DGKH: variants seen among roughly 807,000 people sequenced by gnomAD.
The protein encoded by DGKH is diacylglycerol kinase eta.
Under a neutral mutation model 159.3 loss-of-function variants are expected in DGKH, and 90 were observed. The ratio of observed to expected loss-of-function variants is 0.57; its 90% confidence interval spans 0.48 to 0.67. The LOEUF is 0.67. DGKH is among the 30% of genes least tolerant of loss of function. The pLI is 0.00. For missense variants in DGKH, 1,181 were observed against 1,506.1 expected, an observed-to-expected ratio of 0.78 and a Z score of 3.57; for synonymous variants, 536 against 553.8, an observed-to-expected ratio of 0.97 and a Z score of 0.45.
chr13:42,064,388 C>T (rs780229486), intron 1 of DGKH, among the ~76,000 whole-genome samples: 2 of 152,092 alleles, frequency 1.3e-5, no homozygotes, highest in Admixed American at 6.5e-5. Flanking sequence ...GGACTCTAAG[C>T]GCTGTCAGCC....
intron 3 of DGKH, among the ~76,000 whole-genome samples, chr13:42,145,425 C>G (rs1483443808): frequency 6.6e-6 from 1 of 151,988 alleles, no homozygotes; most frequent in East Asian, 1.9e-4. Context: ...TTGGGACAAT[C>G]CTGGAACTCA....
At chr13:42,089,378 AT>A (rs548367712) in intron 1 of DGKH, among the ~76,000 whole-genome samples, 78 of 152,284 alleles carry the variant, frequency 5.1e-4, no homozygotes, top group African/African-American at 1.9e-3. Context: ...TAATGTTTTC[AT>A]TTTTTATGGC....
At chr13:42,204,594 C>T (rs1006596791) in intron 20 of DGKH, among the ~76,000 whole-genome samples, 11 of 152,150 alleles carry the variant, frequency 7.2e-5, no homozygotes, top group Non-Finnish European at 1.3e-4. Context: ...ACATTTTTTG[C>T]AGTACTTGGG....
intron 3 of DGKH, among the ~76,000 whole-genome samples, chr13:42,151,871 ACT>A (rs1396690016): frequency 1.3e-5 from 2 of 152,090 alleles, no homozygotes; most frequent in African/African-American, 4.8e-5. Context: ...AAATCTCTAT[ACT>A]GTTTTCCATA....
intron 9 of DGKH, 149 bp from the exon 10 acceptor site, chr13:42,168,291 A>G: frequency 3.3e-6 from 2 of 605,342 alleles, no homozygotes; most frequent in Non-Finnish European, 5.4e-6. Flanking sequence ...AGTTAAAATT[A>G]CACTTCAGTG....
intron 2 of DGKH, 53 bp from the exon 3 acceptor site, chr13:42,129,499 G>T: frequency 7.0e-7 from 1 of 1,434,274 alleles, no homozygotes; most frequent in Non-Finnish European, 9.7e-7. Context: ...GTATTGAAGA[G>T]CATTGAGTTA....
chr13:42,246,703 A>G (rs1415585812), downstream of DGKH, among the ~76,000 whole-genome samples: 3 of 152,090 alleles, frequency 2.0e-5, no homozygotes, highest in South Asian at 4.1e-4. Context: ...CAGGTAAAGT[A>G]TGCTCTCCAC....
At chr13:42,129,234 T>C (rs1222922354) in intron 2 of DGKH, among the ~76,000 whole-genome samples, 4 of 152,202 alleles carry the variant, frequency 2.6e-5, no homozygotes, top group South Asian at 2.1e-4. Flanking sequence ...TTCAGAGACA[T>C]TGCATTGTGC....
intron 1 of DGKH, among the ~76,000 whole-genome samples, chr13:42,109,935 T>G (rs946704743): frequency 1.3e-5 from 2 of 152,200 alleles, no homozygotes; most frequent in South Asian, 4.1e-4. Context: ...ATATTAAATA[T>G]AACATATATA....
chr13:42,061,970 A>G (rs1453422088), intron 1 of DGKH, among the ~76,000 whole-genome samples: 1 of 104,932 alleles, frequency 9.5e-6, no homozygotes, highest in Non-Finnish European at 2.1e-5. Flanking sequence ...AGGGAGAAAG[A>G]TGGAGAGTGT....
At position 42,199,693 on chromosome 13, in the gene DGKH, T is replaced by C; in HGVS notation, c.2396+17T>C. The C allele has an allele frequency of 1.3e-6, 2 of 1,576,426 alleles. No individual in the cohort carries two copies. The highest frequency in any genetic ancestry group is 1.7e-6 in the Non-Finnish European group (2 of 1,162,872). On this transcript the variant is annotated intron_variant, in intron 19 of 29. Coordinates refer to ENST00000337343, the MANE Select transcript of DGKH (RefSeq NM_178009.5). ...AAAATGCAGGTAATTTTAGTAAAAG[T>C]AATAATGCTATTACATAAAGGCAAT...
At chr13:42,151,385 G>A (rs531335304) in intron 3 of DGKH, among the ~76,000 whole-genome samples, 1 of 151,526 alleles carries the variant, frequency 6.6e-6, no homozygotes, top group East Asian at 2.0e-4. Flanking sequence ...CTGCTTCTGA[G>A]TTATTTCGCT....
chr13:42,186,010 GGTGT>G (rs3039205), intron 13 of DGKH, among the ~76,000 whole-genome samples: 41,949 of 131,142 alleles, frequency 0.32, 6,973 homozygotes, highest in African/African-American at 0.49. Flanking sequence ...TGGTGGTGGT[GGTGT>G]GTGTGTGTGT....
chr13:42,115,561 G>A (rs773098425), intron 1 of DGKH, among the ~76,000 whole-genome samples: 3 of 152,196 alleles, frequency 2.0e-5, no homozygotes, highest in Non-Finnish European at 4.4e-5. Context: ...AGGCAGTGGA[G>A]GACGATATTG....
chr13:42,225,698 A>G (rs416220), intron 29 of DGKH, among the ~76,000 whole-genome samples: 53,914 of 150,502 alleles, frequency 0.36, 9,981 homozygotes, highest in East Asian at 0.6. Flanking sequence ...GCTTGAACCC[A>G]GGAGGTGGAG....
chr13:42,097,954 A>G lies in DGKH; in HGVS notation c.193-29509A>G, dbSNP rs554746055. Among the ~76,000 whole-genome samples the G allele has an allele frequency of 7.9e-5, 12 of 152,274 alleles. No individual in the cohort carries two copies. The East Asian group carries it at 9.6e-4, about 12-fold the overall frequency. ...CAAGTGAGTTGATTTTCAACCCTAT[A>G]TCTGTCTTCTGGTTGTGCTAAGTCA... On this transcript the variant is annotated intron_variant, in intron 1 of 29. Transcript: ENST00000337343.
downstream of DGKH, among the ~76,000 whole-genome samples, chr13:42,246,232 C>G (rs1393925528): frequency 6.6e-6 from 1 of 152,120 alleles, no homozygotes; most frequent in African/African-American, 2.4e-5. Flanking sequence ...GTATGGTTGG[C>G]AACATAATGG....
chr13:42,216,836 T>C (rs1452046137), intron 26 of DGKH: 1 of 152,220 alleles, frequency 6.6e-6, no homozygotes, highest in East Asian at 1.9e-4. Flanking sequence ...CTACTGTTTT[T>C]AACCAGAATC....
chr13:42,053,556 GTATATATATAACTATA>G (rs1566076762), intron 1 of DGKH, among the ~76,000 whole-genome samples: 20 of 111,704 alleles, frequency 1.8e-4, no homozygotes, highest in Non-Finnish European at 3.5e-4. Context: ...AACTATATAT[GTATATATATAACTATA>G]TATGTATATA....
Sources: allele counts gnomAD v4.1 joint callset (sites outside exome capture counted in the v4.1 genomes callset), GRCh38; gene constraint gnomAD v4.1.1; transcripts MANE v1.5; gene names NCBI Gene and HGNC (gene_info 2026-07-23, HGNC 2026-07-21).